CADPS: variants seen among roughly 807,000 people sequenced by gnomAD.
CADPS encodes the protein calcium-dependent secretion activator 1.
In CADPS, 57 loss-of-function variants were observed where a neutral mutation model predicts 167.3. The observed-to-expected ratio is 0.34, with a 90% CI of 0.28 to 0.42. The LOEUF is 0.42. Ranked by LOEUF, CADPS falls within the 20% of genes least tolerant of loss-of-function variation. The probability of loss-of-function intolerance (pLI) is 1.00; values close to 1 mark genes in which losing one functional copy is unlikely to be tolerated. For synonymous variants in CADPS, 676 were observed against 635.3 expected (o/e 1.06, Z -0.96); for missense variants, 1,414 against 1,738.1 (o/e 0.81, Z 3.32).
At chr3:62,649,385 C>G (rs974058625) in intron 5 of CADPS, among the ~76,000 whole-genome samples, 9 of 151,916 alleles carry the variant, frequency 5.9e-5, no homozygotes, top group African/African-American at 2.2e-4. Context: ...AGTTGCATGA[C>G]CATCATCATA....
intron 1 of CADPS, among the ~76,000 whole-genome samples, chr3:62,826,510 G>T (rs529928108): frequency 6.6e-6 from 1 of 152,222 alleles, no homozygotes; most frequent in African/African-American, 2.4e-5. Flanking sequence ...CAAAATAAAA[G>T]GTTTTTTAGA....
chr3:62,620,740 G>A (rs977647616), intron 6 of CADPS, among the ~76,000 whole-genome samples: 1 of 152,142 alleles, frequency 6.6e-6, no homozygotes, highest in Non-Finnish European at 1.5e-5. Context: ...CTGGCATTCA[G>A]CAAATGCAGC....
chr3:62,847,440 C>G (rs973656467), intron 1 of CADPS, among the ~76,000 whole-genome samples: 3 of 98,180 alleles, frequency 3.1e-5, no homozygotes, highest in Non-Finnish European at 4.1e-5. Context: ...CCCCCCACCC[C>G]ACCACAGTCC....
chr3:62,512,174 A>C (rs922346271), intron 17 of CADPS, among the ~76,000 whole-genome samples: 8 of 152,158 alleles, frequency 5.3e-5, no homozygotes. Flanking sequence ...AAATAAGATC[A>C]GAAGTTTTGG....
intron 7 of CADPS, among the ~76,000 whole-genome samples, chr3:62,588,204 G>A (rs1028657979): frequency 7.2e-5 from 11 of 151,786 alleles, no homozygotes; most frequent in African/African-American, 2.2e-4. Flanking sequence ...TATCTCTTCA[G>A]TACCTCTTGC....
In CADPS at chr3:62,478,464, C is replaced by G; in HGVS notation, c.3174-48G>C. On this transcript the variant is annotated intron_variant, in intron 22 of 29. Transcript: ENST00000383710. This position sits in a 1 kb window ranked among gnomAD's most constrained non-coding sequence, Gnocchi z 5.7. The stretch of plus-strand genomic sequence containing the variant: ...ATGAGAGTCACCCACTGGCCTCAGG[C>G]TCTACAAAAACTAACACAGAGACAA... The G allele has an allele frequency of 6.4e-7, 1 of 1,565,398 alleles. No homozygotes were observed. The highest frequency in any genetic ancestry group is 2.3e-5 in the East Asian group (1 of 43,492).
chr3:62,802,827 T>C (rs1254253132), intron 1 of CADPS, among the ~76,000 whole-genome samples: 1 of 152,158 alleles, frequency 6.6e-6, no homozygotes, highest in Non-Finnish European at 1.5e-5. Flanking sequence ...TTCCCAGCCA[T>C]CCTGCTCTTT....
chr3:62,697,018 AAT>A (rs1479905824), intron 3 of CADPS, among the ~76,000 whole-genome samples: 1 of 152,116 alleles, frequency 6.6e-6, no homozygotes, highest in East Asian at 1.9e-4. Flanking sequence ...AAGGCAGTCA[AAT>A]ATATCCGCTT....
chr3:62,517,446 C>T (rs1336296844), intron 14 of CADPS, among the ~76,000 whole-genome samples: 2 of 152,170 alleles, frequency 1.3e-5, no homozygotes, highest in African/African-American at 2.4e-5. Context: ...AACTACCTTA[C>T]AAAGTTGTTA....
At chr3:62,596,088 TACACACACACACACACACACACACAC>T (rs56780830) in intron 6 of CADPS, among the ~76,000 whole-genome samples, 13 of 135,974 alleles carry the variant, frequency 9.6e-5, no homozygotes, top group Middle Eastern at 3.6e-3. Flanking sequence ...TATATATGTA[TACACACACACACACACACACACACAC>T]ACACACACAC....
At chr3:62,654,474 C>A (rs1309739008) in intron 4 of CADPS, among the ~76,000 whole-genome samples, 1 of 152,134 alleles carries the variant, frequency 6.6e-6, no homozygotes, top group East Asian at 1.9e-4. Context: ...AGGGCCACTG[C>A]TCTTTTCTCC....
At chr3:62,750,344 C>A (rs2082415434) in intron 3 of CADPS, among the ~76,000 whole-genome samples, 1 of 78,952 alleles carries the variant, frequency 1.3e-5, no homozygotes, top group African/African-American at 5.0e-5. Context: ...GAGTGAGACT[C>A]TTAAGCTCCA....
At chr3:62,645,603 A>G in intron 6 of CADPS, 119 bp downstream of exon 6, 2 of 1,083,092 alleles carry the variant, frequency 1.8e-6, no homozygotes, top group Non-Finnish European at 2.6e-6. Context: ...TGAAAAATAA[A>G]CAAGGTTTAT....
In CADPS at chr3:62,516,647, A is replaced by C; in HGVS notation, c.2394-4T>G. The C allele has an allele frequency of 6.3e-7, 1 of 1,595,166 alleles. No homozygotes were observed. Among genetic ancestry groups the C allele is most frequent in the Non-Finnish European group, 8.6e-7 (1 of 1,168,628 alleles). On this transcript the variant is annotated splice_region_variant and splice_polypyrimidine_tract_variant and intron_variant, in intron 14 of 29. Transcript: ENST00000383710. Reference sequence around the variant, plus strand: ...TCGACCAAATGGAAAGCAATACCTAAAAAAGACAAAATTCTTCAGGTTGCC... The same window carrying C: ...TCGACCAAATGGAAAGCAATACCTACAAAAGACAAAATTCTTCAGGTTGCC...
intron 28 of CADPS, among the ~76,000 whole-genome samples, chr3:62,431,811 A>G (rs2149625095): frequency 6.6e-6 from 1 of 151,846 alleles, no homozygotes; most frequent in East Asian, 1.9e-4. Context: ...AGTGACCATT[A>G]ACTTTAAAAA....
At chr3:62,592,776 T>C (rs761015844) in intron 6 of CADPS, 28 bp from the exon 7 acceptor site, 1 of 1,525,710 alleles carries the variant, frequency 6.6e-7, no homozygotes, top group Admixed American at 1.7e-5. Flanking sequence ...GAGGTCATTG[T>C]AGACATATCT....
chr3:62,526,279 T>C (rs1412388506), intron 13 of CADPS, among the ~76,000 whole-genome samples: 1 of 152,158 alleles, frequency 6.6e-6, no homozygotes, highest in Non-Finnish European at 1.5e-5. Context: ...TTAAGATTCA[T>C]ACCCTCTTAC....
At chr3:62,473,738 G>A (rs2060905070) in intron 24 of CADPS, 1 of 152,752 alleles carries the variant, frequency 6.5e-6, no homozygotes, top group South Asian at 2.1e-4. Flanking sequence ...TGGGGATTGG[G>A]TAGCAGGGTG....
At chr3:62,684,922 T>C (rs2077731845) in intron 3 of CADPS, among the ~76,000 whole-genome samples, 1 of 152,072 alleles carries the variant, frequency 6.6e-6, no homozygotes, top group Non-Finnish European at 1.5e-5. Flanking sequence ...TTCTCTCTTC[T>C]TGATAGAAGT....
Sources: allele counts gnomAD v4.1 joint callset (sites outside exome capture counted in the v4.1 genomes callset), GRCh38; gene constraint gnomAD v4.1.1; non-coding constraint Gnocchi (gnomAD v3.1); transcripts MANE v1.5; gene names NCBI Gene and HGNC (gene_info 2026-07-23, HGNC 2026-07-21).